The following TMEM132D variants were observed in gnomAD, a reference collection of about 807,000 sequenced individuals.
TMEM132D encodes the protein transmembrane protein 132D, also known as mature OL transmembrane protein.
In TMEM132D, 21 loss-of-function variants were observed where a neutral mutation model predicts 62.3. That is an observed-to-expected ratio of 0.34 (90% confidence interval 0.24 to 0.49). The LOEUF (loss-of-function observed/expected upper bound fraction) is 0.49. Among genes scored for constraint, TMEM132D ranks in the 20% least tolerant of loss-of-function variants. TMEM132D has a pLI of 0.99. For missense variants in TMEM132D, 1,346 were observed against 1,402.8 expected (o/e 0.96, Z 0.65); for synonymous variants, 621 against 575.6 (o/e 1.08, Z -1.13).
chr12:129,348,155 C>G (rs1869745099), intron 3 of TMEM132D, among the ~76,000 whole-genome samples: 1 of 152,128 alleles, frequency 6.6e-6, no homozygotes, highest in Non-Finnish European at 1.5e-5. Flanking sequence ...GGCGATTCCC[C>G]AAGGATCTAG....
intron 2 of TMEM132D, among the ~76,000 whole-genome samples, chr12:129,644,500 G>C (rs1879720760): frequency 6.6e-6 from 1 of 152,110 alleles, no homozygotes; most frequent in Non-Finnish European, 1.5e-5. Context: ...GGGAGTGAGA[G>C]AGACCAGGCA....
intron 3 of TMEM132D, among the ~76,000 whole-genome samples, chr12:129,486,762 TC>T (rs1223076990): frequency 6.6e-6 from 1 of 152,086 alleles, no homozygotes; most frequent in African/African-American, 2.4e-5. Flanking sequence ...TATGCTTCCT[TC>T]CCTCCCTCCC....
At chr12:129,285,488 T>C (rs1337290367) in intron 4 of TMEM132D, among the ~76,000 whole-genome samples, 2 of 122,386 alleles carry the variant, frequency 1.6e-5, no homozygotes, top group Admixed American at 1.1e-4. Flanking sequence ...GATCATGCCA[T>C]TGCACTGCAG....
chr12:129,326,575 C>T (rs1009108827), intron 4 of TMEM132D, among the ~76,000 whole-genome samples: 11 of 152,312 alleles, frequency 7.2e-5, no homozygotes, highest in Middle Eastern at 6.8e-3. Flanking sequence ...TACATGTTTA[C>T]GGCTGCCTTC....
At chr12:129,749,309 C>G (rs1869921223) in intron 1 of TMEM132D, among the ~76,000 whole-genome samples, 1 of 152,192 alleles carries the variant, frequency 6.6e-6, no homozygotes, top group South Asian at 2.1e-4. Flanking sequence ...ACGATTGCCT[C>G]TCTGTAGCTG....
At chr12:129,754,752 G>C (rs957491158) in intron 1 of TMEM132D, among the ~76,000 whole-genome samples, 1 of 152,176 alleles carries the variant, frequency 6.6e-6, no homozygotes, top group African/African-American at 2.4e-5. Context: ...CATTAAGGCA[G>C]TTAAAAGAAA....
chr12:129,340,941 G>A (rs1869459937), intron 3 of TMEM132D, among the ~76,000 whole-genome samples: 1 of 152,178 alleles, frequency 6.6e-6, no homozygotes, highest in African/African-American at 2.4e-5. Flanking sequence ...TAGCTTGCAT[G>A]AGTTCCCCAA....
chr12:129,137,859 C>A (rs937471179), intron 5 of TMEM132D, among the ~76,000 whole-genome samples: 1 of 151,886 alleles, frequency 6.6e-6, no homozygotes, highest in Non-Finnish European at 1.5e-5. Flanking sequence ...GCCACAATAG[C>A]CCTGGACTCC....
At chr12:129,114,905 T>C (rs1416332675) in intron 5 of TMEM132D, among the ~76,000 whole-genome samples, 2 of 152,240 alleles carry the variant, frequency 1.3e-5, no homozygotes, top group Non-Finnish European at 2.9e-5. Context: ...TATACCACAA[T>C]TTATTTGTTC....
At chr12:129,137,346 T>C (rs2135528620) in intron 5 of TMEM132D, among the ~76,000 whole-genome samples, 1 of 152,310 alleles carries the variant, frequency 6.6e-6, no homozygotes, top group African/African-American at 2.4e-5. Flanking sequence ...AATTACTTCA[T>C]AGTCACTAAC....
intron 4 of TMEM132D, among the ~76,000 whole-genome samples, chr12:129,315,979 T>C (rs1199494404): frequency 6.6e-6 from 1 of 152,184 alleles, no homozygotes; most frequent in African/African-American, 2.4e-5. Context: ...GTGGTGTCAG[T>C]TGTAATATCT....
chr12:129,185,649 G>A (rs1035821178), intron 5 of TMEM132D, among the ~76,000 whole-genome samples: 8 of 151,914 alleles, frequency 5.3e-5, no homozygotes, highest in Admixed American at 5.2e-4. Context: ...GCTTCTCAAA[G>A]TTGGTTATTT....
chr12:129,586,352 A>G (rs1402001762), intron 2 of TMEM132D, among the ~76,000 whole-genome samples: 1 of 152,138 alleles, frequency 6.6e-6, no homozygotes, highest in Non-Finnish European at 1.5e-5. Flanking sequence ...TGAAACTGTG[A>G]CCTATCTTAG....
chr12:129,091,666 A>G (rs1289458285), intron 5 of TMEM132D, among the ~76,000 whole-genome samples: 1 of 152,014 alleles, frequency 6.6e-6, no homozygotes, highest in African/African-American at 2.4e-5. Context: ...TGAGGACCTT[A>G]CCTATCTCAC....
At chr12:129,258,972 T>C (rs571063234) in intron 4 of TMEM132D, among the ~76,000 whole-genome samples, 27 of 152,270 alleles carry the variant, frequency 1.8e-4, no homozygotes, top group Admixed American at 2.0e-4. Flanking sequence ...GAAACAATTA[T>C]AAGGATGTGA....
chr12:129,829,810 C>T (rs1040699271), intron 1 of TMEM132D, among the ~76,000 whole-genome samples: 4 of 151,994 alleles, frequency 2.6e-5, no homozygotes, highest in Non-Finnish European at 5.9e-5. Context: ...GCCAAGACAG[C>T]AAAAAATAAG....
chr12:129,093,125 G>C (rs1874985472), intron 5 of TMEM132D, among the ~76,000 whole-genome samples: 1 of 152,218 alleles, frequency 6.6e-6, no homozygotes, highest in Non-Finnish European at 1.5e-5. Flanking sequence ...TTACTAGACT[G>C]GAAGAGGATG....
intron 4 of TMEM132D, among the ~76,000 whole-genome samples, chr12:129,302,517 T>C (rs1881745568): frequency 6.6e-6 from 1 of 152,222 alleles, no homozygotes; most frequent in Non-Finnish European, 1.5e-5. Context: ...CCAGCCCTGA[T>C]CTGTGGGCCA....
intron 5 of TMEM132D, among the ~76,000 whole-genome samples, chr12:129,163,739 C>A (rs533484626): frequency 6.6e-6 from 1 of 152,230 alleles, no homozygotes; most frequent in Admixed American, 6.5e-5. Context: ...TGGGTGCTTC[C>A]CCATCCCGGC....
Sources: gnomAD v4.1 joint callset for allele counts (sites outside exome capture counted in the v4.1 genomes callset) on GRCh38, gnomAD v4.1.1 for gene constraint, MANE v1.5 for transcripts, NCBI Gene and HGNC (gene_info 2026-07-23, HGNC 2026-07-21) for gene names.